The following MED1 variants were observed in gnomAD, a reference collection of about 807,000 sequenced individuals.
The protein encoded by MED1 is mediator of RNA polymerase II transcription subunit 1.
A neutral mutation model predicts 121.3 loss-of-function variants in MED1; 17 were observed. The ratio of observed to expected loss-of-function variants is 0.14; its 90% confidence interval spans 0.10 to 0.21. The LOEUF (loss-of-function observed/expected upper bound fraction) is 0.21. Among genes scored for constraint, MED1 ranks in the 10% least tolerant of loss-of-function variants. MED1 has a pLI of 1.00. For synonymous variants in MED1, 661 were observed against 694.4 expected (o/e 0.95, Z 0.76); for missense variants, 1,558 against 1,919.4 (o/e 0.81, Z 3.52).
intron 12 of MED1, 36 bp from the exon 13 acceptor site, chr17:39,423,481 A>C: frequency 6.5e-7 from 1 of 1,538,804 alleles, no homozygotes; most frequent in Non-Finnish European, 9.0e-7. Flanking sequence ...GATCATGTTA[A>C]GATGAAAACA....
intron 2 of MED1, among the ~76,000 whole-genome samples, chr17:39,446,211 G>A (rs59837361): frequency 0.1 from 15,704 of 151,790 alleles, 879 homozygotes; most frequent in African/African-American, 0.15. Flanking sequence ...AGCACTTTGA[G>A]AGGCCGAGAC....
intron 16 of MED1, among the ~76,000 whole-genome samples, chr17:39,411,147 C>T (rs1206988301): frequency 1.3e-5 from 2 of 152,026 alleles, no homozygotes; most frequent in Non-Finnish European, 2.9e-5. Context: ...GGTGAAACCC[C>T]GTCTCTACTA....
In MED1 at chr17:39,407,643, A is replaced by G. The variant is rs370644262; in HGVS notation, c.4578T>C (p.His1526=). 6.2e-6 allele frequency: 10 copies of G among 1,613,926 alleles called. No individual in the cohort carries two copies. The highest frequency in any genetic ancestry group is 1.7e-5 in the Admixed American group (1 of 60,004). ...TGGACCAACTCTCTGGCTTGATGCT[A>G]TGAGATTTTTTCTTGTCTCGGTCTT... ...RDKDRDKKKS[H]SIKPESWSKS... is the part of the protein sequence containing the mutation. Residue 1526 remains histidine (H), a synonymous_variant, in exon 17 of 17, where the codon CAT becomes CAC. Transcript: ENST00000300651.
At chr17:39,443,809 C>CAAAGAAAGA (rs55852521) in intron 2 of MED1, among the ~76,000 whole-genome samples, 181 bp from the exon 3 acceptor site, 1 of 151,296 alleles carries the variant, frequency 6.6e-6, no homozygotes, top group Admixed American at 6.6e-5. Flanking sequence ...TCCATCCATG[C>CAAAGAAAGA]AAAATCCATA....
Position 39,447,914 on chromosome 17 carries a change from A to C in MED1, c.26-10T>G. On this transcript the variant is annotated splice_polypyrimidine_tract_variant and intron_variant, in intron 1 of 16. Coordinates refer to ENST00000300651, the MANE Select transcript of MED1 (RefSeq NM_004774.4). ...CTCAGCTTTTCTGACTCTATGATTTAAATCAGAAAACGTTATCAGTAACTG... is the reference window on the plus strand; with the variant it reads ...CTCAGCTTTTCTGACTCTATGATTTCAATCAGAAAACGTTATCAGTAACTG... The C allele has an allele frequency of 1.3e-6, 2 of 1,577,366 alleles. No individual in the cohort carries two copies. Among genetic ancestry groups the C allele is most frequent in the Non-Finnish European group, 1.7e-6 (2 of 1,148,882 alleles).
intron 6 of MED1, among the ~76,000 whole-genome samples, chr17:39,436,346 G>A (rs185699189): frequency 0.015 from 2,058 of 135,602 alleles, 22 homozygotes; most frequent in Middle Eastern, 0.042. Flanking sequence ...GGGCGACAGA[G>A]CAAGACTCCA....
At chr17:39,416,147 C>A (rs1334434920) in intron 14 of MED1, among the ~76,000 whole-genome samples, 1 of 152,124 alleles carries the variant, frequency 6.6e-6, no homozygotes, top group Non-Finnish European at 1.5e-5. Flanking sequence ...TTCCAAGGAA[C>A]CTGCCAGTTT....
At position 39,406,478 on chromosome 17, in the gene MED1, T is replaced by C. The variant is rs2048304570; in HGVS notation, c.*997A>G. On this transcript the variant is annotated 3_prime_UTR_variant, in exon 17 of 17. Coordinates refer to ENST00000300651, the MANE Select transcript of MED1 (RefSeq NM_004774.4). ...ACTATTAATCCTGTAATGGTTTTCA[T>C]GCCACTGGGTCAGGAAGGCTGTCCT... 1.0e-6 allele frequency: 1 copy of C among 985,410 alleles called. No individual in the cohort carries two copies. The highest frequency in any genetic ancestry group is 1.2e-6 in the Non-Finnish European group (1 of 829,924). 61.0% of individuals were successfully genotyped at this position (985,410 alleles called of 1,614,324 possible). A position where few individuals can be genotyped will look rare whatever the true frequency, so the allele number is the denominator to read the frequency against.
intron 6 of MED1, among the ~76,000 whole-genome samples, chr17:39,436,954 CAG>C (rs1271142259): frequency 1.3e-5 from 2 of 148,464 alleles, no homozygotes; most frequent in Non-Finnish European, 3.0e-5. Context: ...TTTTTTGAGA[CAG>C]AGTTTTGTTC....
chr17:39,434,989 C>T (rs2048604732), intron 6 of MED1, among the ~76,000 whole-genome samples: 1 of 152,012 alleles, frequency 6.6e-6, no homozygotes, highest in Non-Finnish European at 1.5e-5. Context: ...CATGGTGAAA[C>T]CCCATCTCTA....
chr17:39,448,467 A>G (rs1006544445), intron 1 of MED1, among the ~76,000 whole-genome samples: 1 of 151,568 alleles, frequency 6.6e-6, no homozygotes, highest in Non-Finnish European at 1.5e-5. Context: ...GGATCACCTC[A>G]GCCTGGGAGG....
rs55829399 is a variant in MED1, at chr17:39,414,634, CTTTTTTTTTTTTTTTT to C, written c.1499+376_1499+391del. 3.4e-4 allele frequency among the ~76,000 whole-genome samples: 21 copies of C among 61,558 alleles called. 1 individual carries two copies. Among genetic ancestry groups the C allele is most frequent in the Admixed American group, 1.2e-3 (6 of 4,876 alleles). 40.4% of individuals were successfully genotyped at this position (61,558 alleles called of 152,430 possible). A position where few individuals can be genotyped will look rare whatever the true frequency, so the allele number is the denominator to read the frequency against. ...ACAGGCGTGAGCCACCAGGCCCGGC[CTTTTTTTTTTTTTTTT>C]TTTTTTTTTTTTTTTTTTTTTTTTA... On this transcript the variant is annotated intron_variant, in intron 16 of 16. Coordinates refer to ENST00000300651, the MANE Select transcript of MED1 (RefSeq NM_004774.4).
At chr17:39,425,711 A>C (rs1427312269) in intron 10 of MED1, among the ~76,000 whole-genome samples, 1 of 151,936 alleles carries the variant, frequency 6.6e-6, no homozygotes, top group Non-Finnish European at 1.5e-5. Context: ...CTGAGGCAGG[A>C]GAATCACTTG....
intron 9 of MED1, among the ~76,000 whole-genome samples, chr17:39,430,656 G>A (rs539669564): frequency 2.1e-5 from 3 of 144,122 alleles, no homozygotes; most frequent in Admixed American, 7.3e-5. Flanking sequence ...TCGCGCCACT[G>A]TACTCCAGCC....
At chr17:39,415,971 CAG>C (rs1200355133) in intron 14 of MED1, among the ~76,000 whole-genome samples, 2 of 144,222 alleles carry the variant, frequency 1.4e-5, no homozygotes, top group East Asian at 4.0e-4. Flanking sequence ...GCCTGGGAAA[CAG>C]AGCAACACTC....
intron 1 of MED1, among the ~76,000 whole-genome samples, chr17:39,449,008 T>C (rs1273368556): frequency 2.0e-5 from 3 of 151,636 alleles, no homozygotes; most frequent in Non-Finnish European, 4.4e-5. Flanking sequence ...ACACTTGTTG[T>C]CTCCTTGCAC....
chr17:39,430,120 C>A (rs1040362295), intron 9 of MED1, among the ~76,000 whole-genome samples: 2 of 151,768 alleles, frequency 1.3e-5, no homozygotes, highest in African/African-American at 4.8e-5. Flanking sequence ...GTGGCTAATA[C>A]CTGTTTGTAA....
intron 11 of MED1, among the ~76,000 whole-genome samples, chr17:39,424,410 C>A (rs979882698): frequency 6.6e-6 from 1 of 152,154 alleles, no homozygotes; most frequent in Admixed American, 6.6e-5. Context: ...GGAATTAGCA[C>A]AGTTCTCTTC....
In MED1 at chr17:39,404,958, G is replaced by A. The variant is rs1250622936; in HGVS notation, c.*2517C>T. On this transcript the variant is annotated 3_prime_UTR_variant, in exon 17 of 17. Transcript: ENST00000300651. ...GTACATCAGAGCAGGTTATGACCAAGAACCCCTAATGTTAAGTCAAAAGAC... is the reference window on the plus strand; with the variant it reads ...GTACATCAGAGCAGGTTATGACCAAAAACCCCTAATGTTAAGTCAAAAGAC... The A allele has an allele frequency of 1.4e-5, 4 of 286,536 alleles. No individual in the cohort carries two copies. Among genetic ancestry groups the A allele is most frequent in the Non-Finnish European group, 2.6e-5 (4 of 155,436 alleles). The allele number at this position is 286,536 out of a possible 1,614,324, so 17.7% of individuals were successfully genotyped here. A position where few individuals can be genotyped will look rare whatever the true frequency, so the allele number is the denominator to read the frequency against.
Sources: allele counts gnomAD v4.1 joint callset (sites outside exome capture counted in the v4.1 genomes callset), GRCh38; gene constraint gnomAD v4.1.1; transcripts MANE v1.5; gene names NCBI Gene and HGNC (gene_info 2026-07-23, HGNC 2026-07-21).